The following ST8SIA4 variants were observed in gnomAD, a reference collection of about 807,000 sequenced individuals.
The protein encoded by ST8SIA4 is CMP-N-acetylneuraminate-poly-alpha-2,8-sialyltransferase.
ST8SIA4 carries 15 observed loss-of-function variants against 33.9 expected under a neutral mutation model. The observed-to-expected ratio is 0.44, with a 90% CI of 0.30 to 0.68. The LOEUF (loss-of-function observed/expected upper bound fraction) is 0.68. Ranked by LOEUF, ST8SIA4 falls within the 30% of genes least tolerant of loss-of-function variation. The probability of loss-of-function intolerance (pLI) is 0.10; values close to 1 mark genes in which losing one functional copy is unlikely to be tolerated. For synonymous variants in ST8SIA4, 171 were observed against 151.2 expected (o/e 1.13, Z -0.96); for missense variants, 321 against 428.0 (o/e 0.75, Z 2.21).
intron 4 of ST8SIA4, among the ~76,000 whole-genome samples, chr5:100,838,021 G>T (rs1008196473): frequency 2.0e-5 from 3 of 151,912 alleles, no homozygotes; most frequent in African/African-American, 7.2e-5. Flanking sequence ...ACTCTCATAA[G>T]GCAGAATAGT....
rs550107716 is a variant in ST8SIA4, at chr5:100,896,371, G to A, written c.114-586C>T. ...ACATAGAGATAAATACCTTATAATC[G>A]CACTTATATATTGATTCTAAAACAG... On this transcript the variant is annotated intron_variant, in intron 1 of 4. Coordinates refer to ENST00000231461, the MANE Select transcript of ST8SIA4 (RefSeq NM_005668.6). Among the ~76,000 whole-genome samples, 55 of 151,974 alleles carry A rather than the reference G, an allele frequency of 3.6e-4. No individual in the cohort carries two copies. The South Asian group carries it at 4.4e-3, about 12-fold the overall frequency.
At chr5:100,902,622 T>A (rs1752945534) in intron 1 of ST8SIA4, among the ~76,000 whole-genome samples, 1 of 152,194 alleles carries the variant, frequency 6.6e-6, no homozygotes, top group African/African-American at 2.4e-5. Flanking sequence ...CCAACACAAC[T>A]GTCACCACAA....
chr5:100,901,469 C>T (rs1414775023), intron 1 of ST8SIA4, among the ~76,000 whole-genome samples: 1 of 152,200 alleles, frequency 6.6e-6, no homozygotes, highest in African/African-American at 2.4e-5. Flanking sequence ...CTGGCAAGCA[C>T]AGGTCTGCAA....
At chr5:100,875,610 A>C (rs1385637676) in intron 3 of ST8SIA4, among the ~76,000 whole-genome samples, 1 of 152,190 alleles carries the variant, frequency 6.6e-6, no homozygotes, top group Non-Finnish European at 1.5e-5. Flanking sequence ...CACACAGCAC[A>C]GGTTGTCCTT....
At chr5:100,834,988 G>GT (rs1322938439) in intron 4 of ST8SIA4, among the ~76,000 whole-genome samples, 1 of 151,778 alleles carries the variant, frequency 6.6e-6, no homozygotes, top group African/African-American at 2.4e-5. Context: ...TTGGATTATT[G>GT]TTTTTTTCAA....
chr5:100,853,197 G>C (rs1236166564), intron 4 of ST8SIA4, among the ~76,000 whole-genome samples: 1 of 152,106 alleles, frequency 6.6e-6, no homozygotes, highest in East Asian at 1.9e-4. Flanking sequence ...TTTCATCAGC[G>C]CTCACACTTC....
chr5:100,825,597 C>T (rs918097971), intron 4 of ST8SIA4, among the ~76,000 whole-genome samples: 14 of 152,166 alleles, frequency 9.2e-5, no homozygotes, highest in Admixed American at 9.2e-4. Flanking sequence ...ATTGCTCTTT[C>T]CACTGCAAGA....
Position 100,872,004 on chromosome 5 carries a change from T to A in ST8SIA4, c.503+14339A>T, listed in dbSNP as rs1352342331. On this transcript the variant is annotated intron_variant, in intron 3 of 4. Transcript: ENST00000231461. ...GGTTTAAATTCTCTTTATATATGACTCCTCTTATGTACTAATTTTGAAATT... is the reference window on the plus strand; with the variant it reads ...GGTTTAAATTCTCTTTATATATGACACCTCTTATGTACTAATTTTGAAATT... 2.6e-5 allele frequency among the ~76,000 whole-genome samples: 4 copies of A among 152,180 alleles called. No individual in the cohort carries two copies. In the East Asian group the frequency reaches 7.7e-4, roughly 29 times the overall value.
chr5:100,865,526 C>T (rs1340104362), intron 3 of ST8SIA4, among the ~76,000 whole-genome samples: 1 of 152,184 alleles, frequency 6.6e-6, no homozygotes, highest in South Asian at 2.1e-4. Flanking sequence ...TAACTCCTAC[C>T]TGAGTTTCAA....
chr5:100,821,529 CA>C (rs1310216622), intron 4 of ST8SIA4, among the ~76,000 whole-genome samples: 1 of 152,124 alleles, frequency 6.6e-6, no homozygotes, highest in Non-Finnish European at 1.5e-5. Flanking sequence ...GGACTCTTTA[CA>C]AATGGATATG....
chr5:100,868,171 C>T (rs1468986349), intron 3 of ST8SIA4, among the ~76,000 whole-genome samples: 1 of 151,856 alleles, frequency 6.6e-6, no homozygotes, highest in African/African-American at 2.4e-5. Context: ...GTAATAATGT[C>T]CTTATTATTT....
At chr5:100,896,366 T>C (rs1752779904) in intron 1 of ST8SIA4, among the ~76,000 whole-genome samples, 1 of 152,068 alleles carries the variant, frequency 6.6e-6, no homozygotes, top group Non-Finnish European at 1.5e-5. Context: ...AAATACCTTA[T>C]AATCGCACTT....
At chr5:100,874,377 GAA>G (rs1752261255) in intron 3 of ST8SIA4, among the ~76,000 whole-genome samples, 1 of 152,060 alleles carries the variant, frequency 6.6e-6, no homozygotes, top group Non-Finnish European at 1.5e-5. Context: ...ACTAAATATA[GAA>G]AAGCTAAAAA....
Position 100,812,015 on chromosome 5 carries a change from A to C in ST8SIA4, c.912T>G (p.Pro304=). The change falls in exon 5 of 5, where the codon CCT becomes CCG. Residue 304 remains proline, a synonymous_variant. Transcript: ENST00000231461. ...EIHLYGFWPF[P]KDLNGKAVKY... ...TGACCGCTTTTCCATTTAAATCCTTAGGGAAGGGCCAGAATCCATACAGGT... is the reference window on the plus strand; with the variant it reads ...TGACCGCTTTTCCATTTAAATCCTTCGGGAAGGGCCAGAATCCATACAGGT... The C allele has an allele frequency of 1.9e-6, 3 of 1,614,148 alleles. No individual in the cohort carries two copies. The highest frequency in any genetic ancestry group is 2.2e-5 in the South Asian group (2 of 91,086).
At chr5:100,857,719 T>TTA in intron 3 of ST8SIA4, among the ~76,000 whole-genome samples, 1 of 152,170 alleles carries the variant, frequency 6.6e-6, no homozygotes, top group East Asian at 1.9e-4. Context: ...AAATACTGTC[T>TTA]TATATATCGT....
intron 4 of ST8SIA4, among the ~76,000 whole-genome samples, chr5:100,827,481 C>T (rs1751170896): frequency 6.6e-6 from 1 of 152,178 alleles, no homozygotes; most frequent in Non-Finnish European, 1.5e-5. Context: ...ATGGACCATC[C>T]TGCTGAAAAA....
intron 4 of ST8SIA4, among the ~76,000 whole-genome samples, chr5:100,834,925 C>A (rs1377750398): frequency 1.6e-4 from 25 of 152,078 alleles, no homozygotes; most frequent in African/African-American, 4.8e-5. Flanking sequence ...AATTACCCAG[C>A]CTCAGTTATC....
chr5:100,819,386 A>T (rs767558251), intron 4 of ST8SIA4, among the ~76,000 whole-genome samples: 49 of 152,232 alleles, frequency 3.2e-4, no homozygotes, highest in Non-Finnish European at 3.5e-4. Flanking sequence ...ATAAATCTTT[A>T]TTCTCTATTT....
Position 100,895,804 on chromosome 5 carries a change from G to A in ST8SIA4, c.114-19C>T, listed in dbSNP as rs780880135. ...ACCATCTCTGAAACAAAACAAAATT[G>A]CCAGCTTTGTGAAAGTAAGAAACAT... On this transcript the variant is annotated intron_variant, in intron 1 of 4. Transcript: ENST00000231461. The A allele has an allele frequency of 6.2e-7, 1 of 1,610,228 alleles. No homozygotes were observed. The highest frequency in any genetic ancestry group is 1.3e-5 in the African/African-American group (1 of 74,702).
Sources: gnomAD v4.1 joint callset for allele counts (sites outside exome capture counted in the v4.1 genomes callset) on GRCh38, gnomAD v4.1.1 for gene constraint, MANE v1.5 for transcripts, NCBI Gene and HGNC (gene_info 2026-07-23, HGNC 2026-07-21) for gene names.